Variants in DYNC2H1 observed in about 807,000 individuals in gnomAD.
The protein encoded by DYNC2H1 is dynein cytoplasmic 2 heavy chain 1, also known as cytoplasmic dynein 2 heavy chain 1.
In DYNC2H1, 410 loss-of-function variants were observed where a neutral mutation model predicts 570.0. The ratio of observed to expected loss-of-function variants is 0.72; its 90% CI spans 0.66 to 0.78. The LOEUF is 0.78. DYNC2H1 is among the 30% of genes least tolerant of loss of function. The pLI is 0.00. For synonymous variants in DYNC2H1, 1,688 were observed against 1,677.6 expected, an observed-to-expected ratio of 1.01 and a Z score of -0.15; for missense variants, 4,865 against 5,046.4, an observed-to-expected ratio of 0.96 and a Z score of 1.09.
Position 103,191,571 on chromosome 11 carries a change from A to C in DYNC2H1, c.7492A>C (p.Ile2498Leu). Residue 2498 changes from isoleucine (I) to leucine (L), a missense_variant, in exon 46 of 89, where the codon ATT (isoleucine) becomes CTT (leucine). Coordinates refer to ENST00000375735, the MANE Select transcript of DYNC2H1 (RefSeq NM_001377.3). ...TAGTCACTATTTCTTTACTCCTTGC[A>C]TTCTTACCCAATGGGTTCTTGGCTT... ...DYSHYFFTPC[I>L]LTQWVLGLFR... The C allele has an allele frequency of 6.2e-7, 1 of 1,610,616 alleles. No individual in the cohort carries two copies. Among genetic ancestry groups the C allele is most frequent in the African/African-American group, 1.3e-5 (1 of 74,966 alleles).
chr11:103,304,821 A>T (rs1484433695), intron 77 of DYNC2H1, 101 bp downstream of exon 77: 1 of 1,193,118 alleles, frequency 8.4e-7, no homozygotes, highest in Non-Finnish European at 1.1e-6. Flanking sequence ...ATGATGATTT[A>T]AAAAGTAATA....
chr11:103,422,194 T>G (rs1186488420), intron 84 of DYNC2H1, among the ~76,000 whole-genome samples: 1 of 152,168 alleles, frequency 6.6e-6, no homozygotes, highest in Non-Finnish European at 1.5e-5. Flanking sequence ...ATTGAGGCTG[T>G]AATAAGTAGC....
chr11:103,255,620 A>G (rs1459481234), intron 67 of DYNC2H1, 86 bp downstream of exon 67: 18 of 1,374,454 alleles, frequency 1.3e-5, no homozygotes, highest in East Asian at 2.7e-5. Context: ...AATTAATAGT[A>G]TCTTCAGATT....
intron 82 of DYNC2H1, among the ~76,000 whole-genome samples, chr11:103,337,540 A>T (rs1456268077): frequency 6.6e-6 from 1 of 152,176 alleles, no homozygotes; most frequent in African/African-American, 2.4e-5. Flanking sequence ...CCTCCGTAGC[A>T]TCCATTATTT....
intron 85 of DYNC2H1, among the ~76,000 whole-genome samples, chr11:103,449,122 A>G (rs1944517045): frequency 6.6e-6 from 1 of 152,212 alleles, no homozygotes; most frequent in Non-Finnish European, 1.5e-5. Context: ...TTTCAGGCAG[A>G]GGGAACAGCA....
chr11:103,410,781 TTAGCTTGGGTTAATTGTA>T (rs1258593540), intron 84 of DYNC2H1, among the ~76,000 whole-genome samples: 2 of 151,860 alleles, frequency 1.3e-5, no homozygotes, highest in Admixed American at 6.6e-5. Flanking sequence ...CTGAGTTCTA[TTAGCTTGGGTTAATTGTA>T]TAGCTTGGGT....
chr11:103,243,766 C>A lies in DYNC2H1; in HGVS notation c.9893C>A (p.Ser3298Ter), dbSNP rs867777631. ...TEWLKTHLKD[S>*]RLEVINQQDS... is the part of the protein sequence containing the mutation. ...TGGTTAAAAACACATTTGAAAGACT[C>A]ACGTTTAGAAGTTATCAATCAGCAG... The change falls in exon 64 of 89, where the codon TCA becomes TAA. Residue 3298 changes from serine (S) to a stop codon, truncating the protein, a stop_gained. Transcript: ENST00000375735. LOFTEE classifies it high-confidence loss of function. The surrounding 1 kb of genome is among the most constrained non-coding windows in gnomAD (Gnocchi z 4.8). 4 of 1,598,060 alleles carry A rather than the reference C, an allele frequency of 2.5e-6. No individual in the cohort carries two copies. The Middle Eastern group carries it at 6.7e-4, about 267-fold the overall frequency.
rs1381957416 is a variant in DYNC2H1 at position 103,109,680 on chromosome 11, T to A, written c.106T>A (p.Cys36Ser). Residue 36 changes from cysteine (C) to serine (S), a missense_variant, in exon 1 of 89, where the codon TGT becomes AGT. Transcript: ENST00000375735. ...ELWDQPLLCN[C>S]LEINNFLDDG... Reference sequence around the variant, plus strand: ...CTGGGATCAGCCACTGTTGTGCAACTGTCTTGAAATCAACAACTTCTTGGA... The same window carrying A: ...CTGGGATCAGCCACTGTTGTGCAACAGTCTTGAAATCAACAACTTCTTGGA... 1 of 1,613,894 alleles carries A rather than the reference T, an allele frequency of 6.2e-7. No individual in the cohort carries two copies. The highest frequency in any genetic ancestry group is 8.5e-7 in the Non-Finnish European group (1 of 1,179,900).
At chr11:103,424,979 A>T (rs920167750) in intron 84 of DYNC2H1, among the ~76,000 whole-genome samples, 1 of 152,184 alleles carries the variant, frequency 6.6e-6, no homozygotes, top group Non-Finnish European at 1.5e-5. Context: ...TCTGTCACCT[A>T]GGCAGGAGTA....
Position 103,185,144 on chromosome 11 carries a change from T to C in DYNC2H1, c.6633+93T>C. 1 of 1,206,178 alleles carries C rather than the reference T, an allele frequency of 8.3e-7. No individual in the cohort carries two copies. The highest frequency in any genetic ancestry group is 1.1e-6 in the Non-Finnish European group (1 of 888,284). 74.7% of individuals were successfully genotyped at this position (1,206,178 alleles called of 1,614,324 possible). A position where few individuals can be genotyped will look rare whatever the true frequency, so the allele number is the denominator to read the frequency against. ...CACAATGATTTGTAACTGTAAGATA[T>C]GGAACTTTTAAAATTTGAAATTATG... On this transcript the variant is annotated intron_variant, in intron 41 of 88. Coordinates refer to ENST00000375735, the MANE Select transcript of DYNC2H1 (RefSeq NM_001377.3). This position sits in a 1 kb window ranked among gnomAD's most constrained non-coding sequence, Gnocchi z 4.5.
intron 59 of DYNC2H1, among the ~76,000 whole-genome samples, chr11:103,227,973 GT>G (rs1863864010): frequency 6.6e-6 from 1 of 152,072 alleles, no homozygotes; most frequent in Non-Finnish European, 1.5e-5. Context: ...TTGCTTTAAA[GT>G]TTGTTATGTC....
chr11:103,444,006 ATTTAAT>A lies in DYNC2H1; in HGVS notation c.12456+7978_12456+7983del, dbSNP rs1046830308. 7.2e-5 allele frequency among the ~76,000 whole-genome samples: 11 copies of A among 152,002 alleles called. No individual in the cohort carries two copies. The South Asian group carries it at 8.3e-4, about 11-fold the overall frequency. The stretch of plus-strand genomic sequence containing the variant: ...TTACGATTAAATTTTGTTACATGTT[ATTTAAT>A]TTTGAAAATGTCAGTATATTGAATA... On this transcript the variant is annotated intron_variant, in intron 85 of 88. Coordinates refer to ENST00000375735, the MANE Select transcript of DYNC2H1 (RefSeq NM_001377.3).
At chr11:103,354,741 C>T (rs1940250025) in intron 82 of DYNC2H1, among the ~76,000 whole-genome samples, 1 of 151,304 alleles carries the variant, frequency 6.6e-6, no homozygotes, top group Non-Finnish European at 1.5e-5. Context: ...CATGTTTTGC[C>T]TTCCATTGTT....
chr11:103,351,529 G>T (rs1940054158), intron 82 of DYNC2H1, among the ~76,000 whole-genome samples: 1 of 152,064 alleles, frequency 6.6e-6, no homozygotes, highest in African/African-American at 2.4e-5. Flanking sequence ...TTTGCTAGGG[G>T]TAATTTGTTA....
rs767446427 is a variant in DYNC2H1, at chr11:103,192,154, G to A, written c.7598G>A (p.Arg2533His). 3.8e-6 allele frequency: 6 copies of A among 1,568,184 alleles called. No homozygotes were observed. Among genetic ancestry groups the A allele is most frequent in the African/African-American group, 1.3e-5 (1 of 74,380 alleles). Residue 2533 changes from arginine (R) to histidine (H), a missense_variant, in exon 47 of 89, where the codon CGC (arginine) becomes CAC (histidine). This residue lies in a region of DYNC2H1 where 2,401 missense variants were observed against 2,454.6 expected (regional missense o/e 0.98). Coordinates refer to ENST00000375735, the MANE Select transcript of DYNC2H1 (RefSeq NM_001377.3). ...GAAATTGTAGCATATGAGGCACGGCGCTTATTTCGTGACAAAATTGTTGGT... is the reference window on the plus strand; with the variant it reads ...GAAATTGTAGCATATGAGGCACGGCACTTATTTCGTGACAAAATTGTTGGT... Reference protein sequence around the residue: ...VLEIVAYEARRLFRDKIVGAK... With the variant: ...VLEIVAYEARHLFRDKIVGAK...
chr11:103,287,625 A>G lies in DYNC2H1; in HGVS notation c.11095+20A>G. 1 of 1,591,972 alleles carries G rather than the reference A, an allele frequency of 6.3e-7. No individual in the cohort carries two copies. Reference sequence around the variant, plus strand: ...CTCTGGGTAAGTGTGATGCTTTTCAAGAACTAGACCACTGACCTGAATTAT... The same window carrying G: ...CTCTGGGTAAGTGTGATGCTTTTCAGGAACTAGACCACTGACCTGAATTAT... On this transcript the variant is annotated intron_variant, in intron 75 of 88. Coordinates refer to ENST00000375735, the MANE Select transcript of DYNC2H1 (RefSeq NM_001377.3).
intron 50 of DYNC2H1, among the ~76,000 whole-genome samples, chr11:103,202,370 G>A (rs1369027840): frequency 6.9e-6 from 1 of 144,706 alleles, no homozygotes; most frequent in Non-Finnish European, 1.5e-5. Context: ...AGACAAATTG[G>A]TCTTTATTAT....
rs313387 is a variant in DYNC2H1 at position 103,305,240 on chromosome 11, C to T, written c.11382+520C>T. 0.06 allele frequency among the ~76,000 whole-genome samples: 9,077 copies of T among 152,124 alleles called. 418 individuals are homozygous for T. Among genetic ancestry groups the T allele is most frequent in the East Asian group, 0.22 (1,151 of 5,174 alleles). ...CTTATTTAAGAAAGATGAGTAGGGTCTTGGGTAGTTAAAGATGATTCTGAA... is the reference window on the plus strand; with the variant it reads ...CTTATTTAAGAAAGATGAGTAGGGTTTTGGGTAGTTAAAGATGATTCTGAA... On this transcript the variant is annotated intron_variant, in intron 77 of 88. Transcript: ENST00000375735. The surrounding 1 kb of genome is among the most constrained non-coding windows in gnomAD (Gnocchi z 4.3).
At position 103,220,608 on chromosome 11, in the gene DYNC2H1, C is replaced by A. The variant is rs1278807990; in HGVS notation, c.8947-15C>A. On this transcript the variant is annotated splice_polypyrimidine_tract_variant and intron_variant, in intron 56 of 88. Coordinates refer to ENST00000375735, the MANE Select transcript of DYNC2H1 (RefSeq NM_001377.3). ...TATATAATTTGAAGATAAAAATGGC[C>A]TTTTTCTCTTTTAGCCTTTAGTCAA... 2.6e-6 allele frequency: 4 copies of A among 1,558,964 alleles called. No individual in the cohort carries two copies. Among genetic ancestry groups the A allele is most frequent in the African/African-American group, 2.7e-5 (2 of 72,798 alleles).
Sources: allele counts gnomAD v4.1 joint callset (sites outside exome capture counted in the v4.1 genomes callset), GRCh38; gene constraint gnomAD v4.1.1; regional missense constraint gnomAD v4.1.1; non-coding constraint Gnocchi (gnomAD v3.1); transcripts MANE v1.5; gene names NCBI Gene and HGNC (gene_info 2026-07-23, HGNC 2026-07-21).